The following MEF2C variants were observed in gnomAD, a reference collection of about 807,000 sequenced individuals.
The protein encoded by MEF2C is myocyte enhancer factor 2C.
A neutral mutation model predicts 50.5 loss-of-function variants in MEF2C; 6 were observed. That is an observed-to-expected ratio of 0.12 (90% confidence interval 0.07 to 0.23). The LOEUF (loss-of-function observed/expected upper bound fraction) is 0.23. Among genes scored for constraint, MEF2C ranks in the 10% least tolerant of loss-of-function variants. The pLI, the probability that MEF2C is intolerant of heterozygous loss-of-function variation, is 1.00. For synonymous variants in MEF2C, 183 were observed against 228.0 expected (o/e 0.80, Z 1.78); for missense variants, 276 against 605.0 (o/e 0.46, Z 5.70).
At chr5:88,743,346 A>G in intron 6 of MEF2C, 4 of 985,394 alleles carry the variant, frequency 4.1e-6, no homozygotes, top group Non-Finnish European at 4.8e-6. Context: ...TAAGAATTGC[A>G]GAGAAGTCTT....
At chr5:88,757,691 G>A (rs961695133) in intron 4 of MEF2C, among the ~76,000 whole-genome samples, 11 of 152,112 alleles carry the variant, frequency 7.2e-5, no homozygotes, top group African/African-American at 1.4e-4. Context: ...CGAGACGGGC[G>A]GATCACTTGA....
chr5:88,769,606 T>G (rs1283143263), intron 3 of MEF2C, among the ~76,000 whole-genome samples: 1 of 152,226 alleles, frequency 6.6e-6, no homozygotes, highest in Non-Finnish European at 1.5e-5. Flanking sequence ...AAATGCATGA[T>G]AGGATATGCA....
At chr5:88,863,690 T>G (rs1448424813) in intron 1 of MEF2C, among the ~76,000 whole-genome samples, 1 of 152,226 alleles carries the variant, frequency 6.6e-6, no homozygotes, top group African/African-American at 2.4e-5. Context: ...TACTCTCTAC[T>G]TCTGTAAATT....
At chr5:88,873,079 T>C (rs1013900750) in intron 1 of MEF2C, among the ~76,000 whole-genome samples, 1 of 151,582 alleles carries the variant, frequency 6.6e-6, no homozygotes, top group African/African-American at 2.4e-5. Flanking sequence ...ACTCACACCG[T>C]TGGAGTTCTG....
Position 88,717,846 on chromosome 5 carries a change from A to G in MEF2C, c.*4758T>C, listed in dbSNP as rs1295504130. The G allele has an allele frequency of 6.6e-6, 1 of 152,228 alleles. No homozygotes were observed. Among genetic ancestry groups the G allele is most frequent in the Non-Finnish European group, 1.5e-5 (1 of 68,034 alleles). The allele number at this position is 152,228 out of a possible 1,614,324, so 9.4% of individuals were successfully genotyped here. ...ACTTTTAGAAATTACTTCGAAGAAG[A>G]AAAAAGGAACTCTTTTGGAAACACT... On this transcript the variant is annotated 3_prime_UTR_variant, in exon 11 of 11. Coordinates refer to ENST00000504921, the MANE Select transcript of MEF2C (RefSeq NM_002397.5).
intron 4 of MEF2C, among the ~76,000 whole-genome samples, chr5:88,754,062 T>C (rs1774098955): frequency 6.6e-6 from 1 of 152,234 alleles, no homozygotes; most frequent in Non-Finnish European, 1.5e-5. Context: ...GCCCCTTCAC[T>C]GTACTGTGTG....
intron 7 of MEF2C, among the ~76,000 whole-genome samples, chr5:88,730,644 A>T (rs563088663): frequency 2.0e-5 from 3 of 152,326 alleles, no homozygotes; most frequent in Non-Finnish European, 4.4e-5. Flanking sequence ...ATCTGTTGAT[A>T]GAGATGGCCT....
intron 1 of MEF2C, 28 bp from the exon 2 acceptor site, chr5:88,823,958 A>G: frequency 1.4e-6 from 2 of 1,421,928 alleles, no homozygotes; most frequent in Non-Finnish European, 1.8e-6. Context: ...ATTAAATACC[A>G]CTCTAACAGC....
In MEF2C at chr5:88,823,869, A is replaced by C; in HGVS notation, c.-81T>G. The stretch of plus-strand genomic sequence containing the variant: ...TTTCTTTCTCTTTCCTGTTTCCTCC[A>C]AACAAATCTCCTTCTTCAGCACTTG... On this transcript the variant is annotated 5_prime_UTR_variant, in exon 2 of 11. Coordinates refer to ENST00000504921, the MANE Select transcript of MEF2C (RefSeq NM_002397.5). 6.3e-7 allele frequency: 1 copy of C among 1,590,998 alleles called. No homozygotes were observed. Among genetic ancestry groups the C allele is most frequent in the East Asian group, 2.2e-5 (1 of 44,462 alleles).
chr5:88,761,162 T>A, intron 4 of MEF2C, 23 bp downstream of exon 4: 4 of 1,613,992 alleles, frequency 2.5e-6, no homozygotes, highest in Non-Finnish European at 3.4e-6. Context: ...GTAAAAAAAA[T>A]GAAGGGTGTT....
chr5:88,824,516 AT>A (rs1809985752), intron 1 of MEF2C: 1 of 211,426 alleles, frequency 4.7e-6, no homozygotes. Context: ...CACCTTAAAA[AT>A]AATATGGAAT....
chr5:88,772,743 C>A, intron 3 of MEF2C: 1 of 985,436 alleles, frequency 1.0e-6, no homozygotes, highest in Non-Finnish European at 1.2e-6. Flanking sequence ...AACCAGCCTG[C>A]TCTTCAAGGA....
intron 10 of MEF2C, among the ~76,000 whole-genome samples, chr5:88,724,747 C>T (rs917879543): frequency 1.3e-5 from 2 of 152,034 alleles, no homozygotes; most frequent in African/African-American, 4.8e-5. Context: ...ACTATTTTAT[C>T]TTGGTTCAAA....
intron 1 of MEF2C, among the ~76,000 whole-genome samples, chr5:88,830,860 T>C (rs1361162348): frequency 6.6e-6 from 1 of 152,118 alleles, no homozygotes; most frequent in Non-Finnish European, 1.5e-5. Context: ...TTGTGTTCTG[T>C]TCCCCAGCTC....
At chr5:88,841,038 C>T (rs1561289080) in intron 1 of MEF2C, among the ~76,000 whole-genome samples, 2 of 152,136 alleles carry the variant, frequency 1.3e-5, no homozygotes, top group Non-Finnish European at 2.9e-5. Flanking sequence ...GGCAATATTT[C>T]CTTGTACACT....
At chr5:88,891,985 C>T (rs888688025) in intron 1 of MEF2C, among the ~76,000 whole-genome samples, 2 of 151,552 alleles carry the variant, frequency 1.3e-5, no homozygotes, top group African/African-American at 4.8e-5. Flanking sequence ...AATAAGAGTA[C>T]TTATGAATAT....
At chr5:88,863,687 T>C (rs2153429854) in intron 1 of MEF2C, among the ~76,000 whole-genome samples, 1 of 152,336 alleles carries the variant, frequency 6.6e-6, no homozygotes, top group South Asian at 2.1e-4. Flanking sequence ...TTCTACTCTC[T>C]ACTTCTGTAA....
intron 8 of MEF2C, 105 bp downstream of exon 8, chr5:88,730,106 C>CT: frequency 9.0e-7 from 1 of 1,105,626 alleles, no homozygotes; most frequent in Non-Finnish European, 1.3e-6. Context: ...TCAATGTTGA[C>CT]ATACTGTGGT....
chr5:88,755,861 TA>T (rs1775065150), intron 4 of MEF2C, among the ~76,000 whole-genome samples: 2 of 152,230 alleles, frequency 1.3e-5, no homozygotes, highest in Non-Finnish European at 2.9e-5. Context: ...GGATTATTAA[TA>T]ATTATGTAAT....
Sources: allele counts gnomAD v4.1 joint callset (sites outside exome capture counted in the v4.1 genomes callset), GRCh38; gene constraint gnomAD v4.1.1; transcripts MANE v1.5; gene names NCBI Gene and HGNC (gene_info 2026-07-23, HGNC 2026-07-21).